Variants in EPHA6 observed in about 807,000 individuals in gnomAD.
EPHA6 encodes the protein EPH receptor A6, also known as ephrin type-A receptor 6.
Under a neutral mutation model 112.0 loss-of-function variants are expected in EPHA6, and 50 were observed. The observed-to-expected ratio is 0.45, with a 90% confidence interval of 0.36 to 0.56. EPHA6 has a LOEUF of 0.56. Among genes scored for constraint, EPHA6 ranks in the 20% least tolerant of loss-of-function variants. The pLI, the probability that EPHA6 is intolerant of heterozygous loss-of-function variation, is 0.00. For missense variants in EPHA6, 1,280 were observed against 1,417.4 expected (o/e 0.90, Z 1.56); for synonymous variants, 529 against 490.7 (o/e 1.08, Z -1.03).
intron 11 of EPHA6, among the ~76,000 whole-genome samples, chr3:97,557,280 T>C (rs570170328): frequency 6.6e-6 from 1 of 152,160 alleles, no homozygotes; most frequent in African/African-American, 2.4e-5. Context: ...GGTATCATTT[T>C]AATATTTTCC....
At position 97,324,910 on chromosome 3, in the gene EPHA6, C is replaced by T. The variant is rs149620795; in HGVS notation, c.1607-80240C>T. On this transcript the variant is annotated intron_variant, in intron 5 of 17. Transcript: ENST00000389672. ...GATGTGTAAATGTCTTTTGCACATA[C>T]ACATTCAGGAAATATTTAGTAGATA... Among the ~76,000 whole-genome samples, 3 of 152,204 alleles carry T rather than the reference C, an allele frequency of 2.0e-5. No homozygotes were observed. The South Asian group carries it at 6.2e-4, about 32-fold the overall frequency.
intron 14 of EPHA6, among the ~76,000 whole-genome samples, chr3:97,674,842 G>A (rs1216150184): frequency 6.6e-6 from 1 of 152,178 alleles, no homozygotes; most frequent in Non-Finnish European, 1.5e-5. Flanking sequence ...TCTATTTGGA[G>A]GCTGTGGCAC....
intron 7 of EPHA6, among the ~76,000 whole-genome samples, chr3:97,472,653 T>C (rs1560044392): frequency 2.0e-5 from 3 of 151,826 alleles, no homozygotes. Context: ...TATTTCCATA[T>C]GGCAAATCTT....
At chr3:97,450,762 G>A (rs547182891) in intron 7 of EPHA6, among the ~76,000 whole-genome samples, 5 of 152,122 alleles carry the variant, frequency 3.3e-5, no homozygotes, top group African/African-American at 1.2e-4. Flanking sequence ...AGCCTCTGGG[G>A]ATAAAAAATA....
chr3:97,395,024 C>A (rs2086619595), intron 5 of EPHA6, among the ~76,000 whole-genome samples: 2 of 151,432 alleles, frequency 1.3e-5, no homozygotes. Context: ...AAAGAACATT[C>A]ACAGATTCTG....
chr3:97,221,299 ACT>A (rs1182360937), intron 3 of EPHA6, among the ~76,000 whole-genome samples: 1 of 118,342 alleles, frequency 8.5e-6, no homozygotes, highest in African/African-American at 3.5e-5. Context: ...ACAGAGCAAG[ACT>A]CTGTCTCAAA....
chr3:97,009,925 A>G (rs2044021148), intron 3 of EPHA6: 5 of 482,848 alleles, frequency 1.0e-5, no homozygotes, highest in South Asian at 4.7e-5. Context: ...CTTCTAGTCA[A>G]TTTTGATGAG....
At position 97,098,469 on chromosome 3, in the gene EPHA6, G is replaced by A. The variant is rs72920236; in HGVS notation, c.1114+110476G>A. ...ATCTGAATAGGCAACAGAATTTATG[G>A]GAGAACCAAAACCATTCTAGGGAAG... On this transcript the variant is annotated intron_variant, in intron 3 of 17. Coordinates refer to ENST00000389672, the MANE Select transcript of EPHA6 (RefSeq NM_001080448.3). Among the ~76,000 whole-genome samples the A allele has an allele frequency of 8.2e-3, 1,238 of 151,732 alleles. 18 individuals carry two copies. The highest frequency in any genetic ancestry group is 0.022 in the African/African-American group (921 of 41,416).
chr3:97,248,709 T>C (rs2079049900), intron 5 of EPHA6, among the ~76,000 whole-genome samples: 1 of 152,068 alleles, frequency 6.6e-6, no homozygotes, highest in Non-Finnish European at 1.5e-5. Context: ...TAGGCCCACA[T>C]TGTGATTGCA....
At chr3:97,640,871 G>C (rs542977944) in intron 14 of EPHA6, among the ~76,000 whole-genome samples, 3 of 152,216 alleles carry the variant, frequency 2.0e-5, no homozygotes, top group Non-Finnish European at 2.9e-5. Flanking sequence ...AGACCAGTTA[G>C]GCATTATTGC....
intron 13 of EPHA6, among the ~76,000 whole-genome samples, chr3:97,626,068 T>C (rs1405208572): frequency 2.6e-5 from 4 of 151,754 alleles, no homozygotes; most frequent in Non-Finnish European, 5.9e-5. Flanking sequence ...ATTATTGAAA[T>C]TAAAAAGAAA....
At position 96,957,777 on chromosome 3, in the gene EPHA6, T is replaced by C. The variant is rs148369832; in HGVS notation, c.451-29553T>C. On this transcript the variant is annotated intron_variant, in intron 2 of 17. Transcript: ENST00000389672. The stretch of plus-strand genomic sequence containing the variant: ...CATGTATTGAAAACATGTTGTTATA[T>C]GTTTGTTTTTACTTATTTGGCATTC... 6.4e-3 allele frequency among the ~76,000 whole-genome samples: 981 copies of C among 152,336 alleles called. 7 individuals are homozygous for C. The highest frequency in any genetic ancestry group is 0.021 in the African/African-American group (887 of 41,578).
At chr3:97,665,656 C>T (rs963394242) in intron 14 of EPHA6, among the ~76,000 whole-genome samples, 6 of 152,184 alleles carry the variant, frequency 3.9e-5, no homozygotes, top group African/African-American at 1.4e-4. Context: ...CCACTTCTCC[C>T]ACGGACCTCA....
intron 2 of EPHA6, among the ~76,000 whole-genome samples, chr3:96,908,879 T>G (rs369668940): frequency 1.3e-5 from 2 of 151,932 alleles, no homozygotes; most frequent in African/African-American, 2.4e-5. Context: ...CCTAATCTGG[T>G]TTTAAGGGAA....
intron 5 of EPHA6, among the ~76,000 whole-genome samples, chr3:97,356,243 G>A (rs1468227520): frequency 1.3e-5 from 2 of 152,046 alleles, no homozygotes. Context: ...CCCCCTCATG[G>A]GACCACCTAC....
intron 14 of EPHA6, among the ~76,000 whole-genome samples, chr3:97,715,767 A>G (rs1214711082): frequency 3.9e-5 from 6 of 152,356 alleles, no homozygotes; most frequent in East Asian, 1.9e-4. Flanking sequence ...ACAAAGATAC[A>G]CAAATATACA....
chr3:97,513,719 C>G (rs1418175821), intron 10 of EPHA6, among the ~76,000 whole-genome samples: 1 of 151,826 alleles, frequency 6.6e-6, no homozygotes, highest in Admixed American at 6.6e-5. Flanking sequence ...TCAATGGGTA[C>G]AATGTTACAG....
intron 11 of EPHA6, among the ~76,000 whole-genome samples, chr3:97,546,884 C>T (rs142075534): frequency 3.3e-5 from 5 of 152,318 alleles, no homozygotes; most frequent in East Asian, 1.9e-4. Context: ...GCATTCGTCA[C>T]GTAGCTCTCA....
intron 2 of EPHA6, among the ~76,000 whole-genome samples, chr3:96,938,671 A>T (rs986866499): frequency 3.3e-5 from 5 of 151,832 alleles, no homozygotes; most frequent in South Asian, 4.2e-4. Flanking sequence ...GAGAGAGGGC[A>T]TCCCTGTCTT....
Sources: allele counts gnomAD v4.1 joint callset (sites outside exome capture counted in the v4.1 genomes callset), GRCh38; gene constraint gnomAD v4.1.1; transcripts MANE v1.5; gene names NCBI Gene and HGNC (gene_info 2026-07-23, HGNC 2026-07-21).